Variants in DPP10 observed in about 807,000 individuals in gnomAD.
The protein encoded by DPP10 is inactive dipeptidyl peptidase 10.
DPP10 carries 33 observed loss-of-function variants against 120.9 expected under a neutral mutation model. That is an observed-to-expected ratio of 0.27 (90% CI 0.21 to 0.37). The LOEUF is 0.37. Among genes scored for constraint, DPP10 ranks in the 10% least tolerant of loss-of-function variants. DPP10 has a pLI of 1.00. For synonymous variants in DPP10, 337 were observed against 326.1 expected (o/e 1.03, Z -0.36); for missense variants, 816 against 942.8 (o/e 0.87, Z 1.76).
At chr2:115,079,182 C>T (rs1035677014) in intron 1 of DPP10, among the ~76,000 whole-genome samples, 20 of 152,032 alleles carry the variant, frequency 1.3e-4, no homozygotes, top group African/African-American at 4.6e-4. Context: ...AGATCGAGAC[C>T]ATCCTGGCTA....
intron 1 of DPP10, among the ~76,000 whole-genome samples, chr2:115,211,437 C>T (rs1333967710): frequency 6.6e-6 from 1 of 152,110 alleles, no homozygotes; most frequent in Non-Finnish European, 1.5e-5. Context: ...TCTTACCAGT[C>T]CTACAAGTTT....
At chr2:115,833,733 A>T (rs548789449) in intron 21 of DPP10, among the ~76,000 whole-genome samples, 2 of 152,350 alleles carry the variant, frequency 1.3e-5, no homozygotes, top group South Asian at 4.1e-4. Context: ...TGTATAAGGT[A>T]TATTAAAGCA....
At position 114,834,665 on chromosome 2, in the gene DPP10, G is replaced by A. The variant is rs1431537734; in HGVS notation, c.60+391827G>A. On this transcript the variant is annotated intron_variant, in intron 1 of 25. Coordinates refer to ENST00000410059, the MANE Select transcript of DPP10 (RefSeq NM_020868.6). ...ATCTACACACCTATGTATATATATA[G>A]GCCATATCTACACACCTATGTATAT... Among the ~76,000 whole-genome samples the A allele has an allele frequency of 4.1e-4, 33 of 80,534 alleles. 2 individuals are homozygous for A. Among genetic ancestry groups the A allele is most frequent in the African/African-American group, 6.2e-4 (10 of 16,228 alleles). 52.8% of individuals were successfully genotyped at this position (80,534 alleles called of 152,430 possible). A position where few individuals can be genotyped will look rare whatever the true frequency, so the allele number is the denominator to read the frequency against.
chr2:115,085,964 A>G (rs1708660095), intron 1 of DPP10, among the ~76,000 whole-genome samples: 1 of 152,158 alleles, frequency 6.6e-6, no homozygotes, highest in African/African-American at 2.4e-5. Context: ...GGTACCCTAT[A>G]TATCGTGACT....
At chr2:115,269,480 G>A (rs1210988298) in intron 1 of DPP10, among the ~76,000 whole-genome samples, 1 of 152,058 alleles carries the variant, frequency 6.6e-6, no homozygotes, top group Non-Finnish European at 1.5e-5. Context: ...AGGGTCTGTC[G>A]TCTTATCTCC....
At chr2:115,090,921 G>A (rs1224032825) in intron 1 of DPP10, among the ~76,000 whole-genome samples, 1 of 152,162 alleles carries the variant, frequency 6.6e-6, no homozygotes, top group Non-Finnish European at 1.5e-5. Flanking sequence ...GATGTCATTT[G>A]TGGTTTATGG....
At chr2:115,722,780 C>A (rs925645220) in intron 7 of DPP10, among the ~76,000 whole-genome samples, 11 of 150,106 alleles carry the variant, frequency 7.3e-5, no homozygotes, top group Admixed American at 5.3e-4. Context: ...TATAGTCATC[C>A]ATTTTTGTAC....
chr2:115,312,688 CAG>C (rs1192596643), intron 2 of DPP10, among the ~76,000 whole-genome samples: 1 of 152,150 alleles, frequency 6.6e-6, no homozygotes, highest in Non-Finnish European at 1.5e-5. Context: ...TGTGCTAAAA[CAG>C]AGCCATAAAG....
intron 2 of DPP10, among the ~76,000 whole-genome samples, chr2:115,310,900 G>A (rs1358047814): frequency 2.0e-5 from 3 of 152,062 alleles, no homozygotes; most frequent in African/African-American, 2.4e-5. Context: ...TTTCATCCTG[G>A]TTCTAGCATC....
chr2:115,010,844 A>G (rs1351769837), intron 1 of DPP10, among the ~76,000 whole-genome samples: 2 of 152,174 alleles, frequency 1.3e-5, no homozygotes, highest in African/African-American at 4.8e-5. Context: ...CAGTATTAGT[A>G]GTGTGGCCAG....
intron 1 of DPP10, among the ~76,000 whole-genome samples, chr2:115,030,658 C>G (rs549270624): frequency 4.2e-4 from 64 of 152,248 alleles, no homozygotes; most frequent in African/African-American, 1.5e-3. Flanking sequence ...TTCAAACAGG[C>G]CCCAATGTGT....
At chr2:115,747,971 A>G (rs1678209338) in intron 10 of DPP10, among the ~76,000 whole-genome samples, 2 of 152,106 alleles carry the variant, frequency 1.3e-5, no homozygotes, top group Non-Finnish European at 2.9e-5. Flanking sequence ...TACAATATCC[A>G]TGTTTCTTTC....
intron 5 of DPP10, among the ~76,000 whole-genome samples, chr2:115,635,184 G>T (rs1341586345): frequency 6.7e-6 from 1 of 150,146 alleles, no homozygotes; most frequent in Non-Finnish European, 1.5e-5. Context: ...CCCCTTGAAA[G>T]CTCAGCCATC....
At chr2:114,478,746 CA>C (rs749134262) in intron 1 of DPP10, among the ~76,000 whole-genome samples, 94 of 152,182 alleles carry the variant, frequency 6.2e-4, no homozygotes, top group Non-Finnish European at 9.6e-4. Context: ...GATGCAAGAT[CA>C]GCATGCAAAA....
chr2:114,828,919 T>C (rs1686807797), intron 1 of DPP10: 3 of 152,170 alleles, frequency 2.0e-5, no homozygotes. Flanking sequence ...GTCCAGGGCA[T>C]AGAAAAGTTT....
intron 1 of DPP10, among the ~76,000 whole-genome samples, chr2:115,296,871 A>G (rs1166475702): frequency 6.6e-6 from 1 of 151,934 alleles, no homozygotes; most frequent in Admixed American, 6.6e-5. Flanking sequence ...GGCTGACTCT[A>G]TACTAAGACT....
At chr2:115,159,740 A>G (rs2052166841) in intron 1 of DPP10, among the ~76,000 whole-genome samples, 1 of 152,178 alleles carries the variant, frequency 6.6e-6, no homozygotes, top group African/African-American at 2.4e-5. Flanking sequence ...ACATACACAC[A>G]CAGACCCCCA....
intron 19 of DPP10, among the ~76,000 whole-genome samples, chr2:115,809,466 T>G (rs1686382016): frequency 1.3e-5 from 2 of 152,236 alleles, no homozygotes; most frequent in African/African-American, 4.8e-5. Flanking sequence ...GCATAGATAG[T>G]TGATTATGCT....
At chr2:115,347,364 C>T (rs1042675383) in intron 3 of DPP10, among the ~76,000 whole-genome samples, 1 of 152,096 alleles carries the variant, frequency 6.6e-6, no homozygotes. Flanking sequence ...GTCTTATGAT[C>T]TATTATCTGA....
Sources: gnomAD v4.1 joint callset for allele counts (sites outside exome capture counted in the v4.1 genomes callset) on GRCh38, gnomAD v4.1.1 for gene constraint, MANE v1.5 for transcripts, NCBI Gene and HGNC (gene_info 2026-07-23, HGNC 2026-07-21) for gene names.